The following NBEAL1 variants were observed in gnomAD, a reference collection of about 807,000 sequenced individuals.
NBEAL1 encodes neurobeachin like 1.
A neutral mutation model predicts 351.3 loss-of-function variants in NBEAL1; 273 were observed. The ratio of observed to expected loss-of-function variants is 0.78; its 90% CI spans 0.70 to 0.86. NBEAL1 has a LOEUF of 0.86. Among genes scored for constraint, NBEAL1 ranks in the 40% least tolerant of loss-of-function variants. The pLI, the probability that NBEAL1 is intolerant of heterozygous loss-of-function variation, is 0.00. For synonymous variants in NBEAL1, 1,050 were observed against 1,086.4 expected, an observed-to-expected ratio of 0.97 and a Z score of 0.66; for missense variants, 2,961 against 3,201.3, an observed-to-expected ratio of 0.92 and a Z score of 1.81.
At chr2:203,197,122 G>A (rs572534888) in intron 47 of NBEAL1, among the ~76,000 whole-genome samples, 180 bp from the exon 48 acceptor site, 2 of 152,234 alleles carry the variant, frequency 1.3e-5, no homozygotes, top group South Asian at 2.1e-4. Flanking sequence ...GAAATTTCAA[G>A]TATGCCATAT....
chr2:203,141,584 T>C (rs964606012), intron 31 of NBEAL1, among the ~76,000 whole-genome samples: 2 of 150,954 alleles, frequency 1.3e-5, no homozygotes, highest in Non-Finnish European at 3.0e-5. Context: ...GGTTTCACCA[T>C]GTTGGCAAGG....
Position 203,185,173 on chromosome 2 carries a change from T to G in NBEAL1, c.6705+1785T>G, listed in dbSNP as rs561223475. On this transcript the variant is annotated intron_variant, in intron 44 of 55. Coordinates refer to ENST00000683969, the MANE Select transcript of NBEAL1 (RefSeq NM_001378026.1). ...GTGTATGGTTGTGGTTTTCAGAGTG[T>G]CTTTGTCATAGTCTTTATTGTAGGC... is the stretch of plus-strand genomic sequence containing the variant. 1.7e-3 allele frequency among the ~76,000 whole-genome samples: 257 copies of G among 152,308 alleles called. 1 individual carries two copies. Among genetic ancestry groups the G allele is most frequent in the African/African-American group, 5.9e-3 (247 of 41,550 alleles).
intron 8 of NBEAL1, among the ~76,000 whole-genome samples, chr2:203,079,061 GTTTGTTTTGT>G (rs901276678): frequency 1.3e-5 from 2 of 152,170 alleles, no homozygotes; most frequent in Admixed American, 6.5e-5. Context: ...AAAATCACAA[GTTTGTTTTGT>G]TTTGTTTTGT....
chr2:203,100,228 A>T (rs1183895434), intron 12 of NBEAL1, among the ~76,000 whole-genome samples: 1 of 152,130 alleles, frequency 6.6e-6, no homozygotes, highest in East Asian at 1.9e-4. Flanking sequence ...ATGTGTCTTT[A>T]TGGTAGAACA....
intron 41 of NBEAL1, 101 bp downstream of exon 41, chr2:203,172,954 T>A: frequency 1.2e-6 from 1 of 866,660 alleles, no homozygotes; most frequent in Non-Finnish European, 1.7e-6. Context: ...TTTATCGTAC[T>A]ACTACTTTTG....
At chr2:203,176,136 A>C (rs2064491082) in intron 42 of NBEAL1, among the ~76,000 whole-genome samples, 2 of 151,936 alleles carry the variant, frequency 1.3e-5, no homozygotes, top group Non-Finnish European at 2.9e-5. Context: ...TAAAATTATT[A>C]AAAGCTGAAA....
intron 4 of NBEAL1, among the ~76,000 whole-genome samples, chr2:203,056,062 G>A (rs945042643): frequency 1.3e-5 from 2 of 152,108 alleles, no homozygotes; most frequent in Non-Finnish European, 1.5e-5. Context: ...TCTGCATAGG[G>A]ACAAAAATCT....
chr2:203,175,098 A>G, intron 41 of NBEAL1, 49 bp from the exon 42 acceptor site: 1 of 1,475,778 alleles, frequency 6.8e-7, no homozygotes, highest in Non-Finnish European at 9.4e-7. Context: ...ATGCCCCCTT[A>G]TGTACTTTAT....
rs780072333 is a variant in NBEAL1, at chr2:203,110,159, A to C, written c.1959A>C (p.Thr653=). ...TACGTATTTTTTTTAGTTTTTTTAC[A>C]GGAAGTGGCATGGGTTTTGAAGCCT... ...GKRKQLYSFF[T]GSGMGFEAFI... The change falls in exon 15 of 56, where the codon ACA becomes ACC. Residue 653 remains threonine (T), a synonymous_variant. Transcript: ENST00000683969. 15 of 1,544,072 alleles carry C rather than the reference A, an allele frequency of 9.7e-6. No homozygotes were observed. Among genetic ancestry groups the C allele is most frequent in the Admixed American group, 4.1e-5 (2 of 48,552 alleles).
chr2:203,121,977 G>A lies in NBEAL1; in HGVS notation c.2593-277G>A, dbSNP rs529365484. The stretch of plus-strand genomic sequence containing the variant: ...GTTTTTATATTTTTAGTAGAGATGG[G>A]GTTTTACCATGTTGGCCAGGCTGGT... On this transcript the variant is annotated intron_variant, in intron 18 of 55. Transcript: ENST00000683969. Among the ~76,000 whole-genome samples the A allele has an allele frequency of 4.4e-3, 672 of 151,962 alleles. 8 individuals are homozygous for A. Among genetic ancestry groups the A allele is most frequent in the African/African-American group, 0.015 (639 of 41,444 alleles).
At chr2:203,091,333 G>A (rs1455460805) in intron 10 of NBEAL1, among the ~76,000 whole-genome samples, 2 of 152,082 alleles carry the variant, frequency 1.3e-5, no homozygotes, top group Non-Finnish European at 2.9e-5. Context: ...TTCTAACACT[G>A]AATAATATTC....
Position 203,133,118 on chromosome 2 carries a change from T to A in NBEAL1, c.3785T>A (p.Ile1262Lys). 6.6e-7 allele frequency: 1 copy of A among 1,508,918 alleles called. No homozygotes were observed. The highest frequency in any genetic ancestry group is 1.2e-5 in the South Asian group (1 of 80,724). The allele number at this position is 1,508,918 out of a possible 1,614,324, so 93.5% of individuals were successfully genotyped here. ...GTATATATATCTCACAGAGCACATA[T>A]AAATGTTAGAGTGGCCATCTGCAGA... is the stretch of plus-strand genomic sequence containing the variant. ...SVVYISHRAH[I>K]NVRVAICRKV... Residue 1262 changes from isoleucine to lysine, a missense_variant, in exon 27 of 56, where the codon ATA (isoleucine) becomes AAA (lysine). Coordinates refer to ENST00000683969, the MANE Select transcript of NBEAL1 (RefSeq NM_001378026.1).
Position 203,217,962 on chromosome 2 carries a change from T to G in NBEAL1, c.*608T>G. On this transcript the variant is annotated 3_prime_UTR_variant, in exon 56 of 56. Transcript: ENST00000683969. ...AGTTACTGAAATCTATTACTGTCCT[T>G]AATAAAAATTGAGTAGAAAAAAGTG... 1.1e-6 allele frequency: 1 copy of G among 927,772 alleles called. No individual in the cohort carries two copies. Among genetic ancestry groups the G allele is most frequent in the Non-Finnish European group, 1.3e-6 (1 of 777,532 alleles). The allele number at this position is 927,772 out of a possible 1,614,324, so 57.5% of individuals were successfully genotyped here.
chr2:203,138,548 T>C, intron 30 of NBEAL1, 72 bp from the exon 31 acceptor site: 1 of 1,434,754 alleles, frequency 7.0e-7, no homozygotes, highest in Non-Finnish European at 9.4e-7. Flanking sequence ...GTATTAATGT[T>C]GGGGAAAATT....
chr2:203,151,941 G>A (rs558931038), intron 35 of NBEAL1, among the ~76,000 whole-genome samples: 7 of 151,952 alleles, frequency 4.6e-5, no homozygotes, highest in Non-Finnish European at 7.4e-5. Flanking sequence ...AGAATTCTTA[G>A]CAATCCTTTT....
chr2:203,059,874 T>A (rs192219703), intron 6 of NBEAL1, among the ~76,000 whole-genome samples: 24 of 152,314 alleles, frequency 1.6e-4, no homozygotes, highest in Admixed American at 1.4e-3. Context: ...AAAGAGACAC[T>A]TAACAGTGCT....
intron 5 of NBEAL1, 71 bp from the exon 6 acceptor site, chr2:203,057,255 T>G (rs1463310770): frequency 2.9e-6 from 4 of 1,379,530 alleles, no homozygotes; most frequent in Non-Finnish European, 4.0e-6. Flanking sequence ...TTGGCTTGTT[T>G]GAATACAAAT....
chr2:203,017,865 C>T (rs1038092815), intron 2 of NBEAL1, among the ~76,000 whole-genome samples: 2 of 151,942 alleles, frequency 1.3e-5, no homozygotes, highest in African/African-American at 4.8e-5. Context: ...AAATGTTAAT[C>T]CTCAATAATG....
Position 203,062,152 on chromosome 2 carries a change from C to A in NBEAL1, c.515+4699C>A. On this transcript the variant is annotated intron_variant, in intron 6 of 55. Transcript: ENST00000683969. The surrounding 1 kb of genome is among the most constrained non-coding windows in gnomAD (Gnocchi z 4.2). ...GTTCAGATTAAGATTTGAATTCTGG[C>A]TGAAGGTTTCTCCACCTTGACTATT... 2.5e-6 allele frequency: 1 copy of A among 404,078 alleles called. No homozygotes were observed. The highest frequency in any genetic ancestry group is 4.9e-6 in the Non-Finnish European group (1 of 206,090). The allele number at this position is 404,078 out of a possible 1,614,324, so 25.0% of individuals were successfully genotyped here.
Sources: gnomAD v4.1 joint callset for allele counts (sites outside exome capture counted in the v4.1 genomes callset) on GRCh38, gnomAD v4.1.1 for gene constraint, Gnocchi (gnomAD v3.1) non-coding constraint, MANE v1.5 for transcripts, NCBI Gene and HGNC (gene_info 2026-07-23, HGNC 2026-07-21) for gene names.